The following OR51E2 variants were observed in gnomAD, a reference collection of about 807,000 sequenced individuals.
The protein encoded by OR51E2 is olfactory receptor family 51 subfamily E member 2, also known as olfactory receptor 51E2.
OR51E2 carries 14 observed loss-of-function variants against 13.7 expected under a neutral mutation model. That is an observed-to-expected ratio of 1.02 (90% CI 0.68 to 1.60). The LOEUF (loss-of-function observed/expected upper bound fraction) is 1.60. OR51E2 is among the 40% of genes most tolerant of loss of function. The pLI is 0.00. For synonymous variants in OR51E2, 180 were observed against 157.6 expected, an observed-to-expected ratio of 1.14 and a Z score of -1.07; for missense variants, 483 against 413.8, an observed-to-expected ratio of 1.17 and a Z score of -1.45.
chr11:4,684,117 G>C (rs1736890347), intron 1 of OR51E2, among the ~76,000 whole-genome samples: 1 of 152,184 alleles, frequency 6.6e-6, no homozygotes, highest in South Asian at 2.1e-4. Flanking sequence ...ATTTGAACTG[G>C]ATTCTCCCCA....
At chr11:4,694,301 A>G (rs1934079606) in intron 1 of OR51E2, among the ~76,000 whole-genome samples, 1 of 152,006 alleles carries the variant, frequency 6.6e-6, no homozygotes, top group Admixed American at 6.6e-5. Context: ...CTAGCAAAAA[A>G]AAAATGACTT....
In OR51E2 at chr11:4,694,565, CAT is replaced by C. The variant is rs535692653; in HGVS notation, c.-51+3086_-51+3087del. Reference sequence around the variant, plus strand: ...GTATATATATATACACACACACATACATATATATATACACACACACACACACA... The same window carrying C: ...GTATATATATATACACACACACATACATATATATACACACACACACACACA... On this transcript the variant is annotated intron_variant, in intron 1 of 1. Transcript: ENST00000396950. 1.4e-3 allele frequency among the ~76,000 whole-genome samples: 197 copies of C among 137,222 alleles called. 1 individual carries two copies. Among genetic ancestry groups the C allele is most frequent in the Admixed American group, 1.6e-3 (22 of 13,372 alleles). 90.0% of individuals were successfully genotyped at this position (137,222 alleles called of 152,430 possible). A position where few individuals can be genotyped will look rare whatever the true frequency, so the allele number is the denominator to read the frequency against.
intron 1 of OR51E2, among the ~76,000 whole-genome samples, chr11:4,692,685 G>A (rs1162684152): frequency 2.6e-5 from 4 of 152,122 alleles, no homozygotes; most frequent in South Asian, 2.1e-4. Flanking sequence ...CAATCAATGA[G>A]AGAGAGCCAG....
intron 1 of OR51E2, chr11:4,690,611 C>G (rs937291888): frequency 1.7e-5 from 5 of 293,190 alleles, no homozygotes; most frequent in Non-Finnish European, 3.3e-5. Flanking sequence ...AGCTGATGTT[C>G]TAGATACATT....
intron 1 of OR51E2, chr11:4,691,467 G>A (rs1339211985): frequency 2.2e-6 from 1 of 456,660 alleles, no homozygotes; most frequent in East Asian, 6.9e-5. Context: ...GGTGACCAGA[G>A]TGGATATGGA....
At chr11:4,693,204 C>T (rs1363691680) in intron 1 of OR51E2, among the ~76,000 whole-genome samples, 1 of 152,242 alleles carries the variant, frequency 6.6e-6, no homozygotes, top group African/African-American at 2.4e-5. Context: ...AACAACATCA[C>T]ATTTTACCCC....
At chr11:4,693,506 G>T (rs1451237811) in intron 1 of OR51E2, among the ~76,000 whole-genome samples, 1 of 152,180 alleles carries the variant, frequency 6.6e-6, no homozygotes, top group East Asian at 1.9e-4. Context: ...CGGATCACGA[G>T]GTCAGGAGAT....
rs1217457256 is a variant in OR51E2, at chr11:4,681,980, A to G, written c.732T>C (p.Ile244=). The change falls in exon 2 of 2, where the codon ATT becomes ATC. Residue 244 remains isoleucine, a synonymous_variant. Coordinates refer to ENST00000396950, the MANE Select transcript of OR51E2 (RefSeq NM_030774.4). ...GCACATAGAAGGCGAGTACCACACC[A>G]ATGTGTGACACACAGGTTCCAAAGG... ...AKAFGTCVSH[I]GVVLAFYVPL... 3.7e-6 allele frequency: 6 copies of G among 1,614,222 alleles called. No individual in the cohort carries two copies. The East Asian group carries it at 1.1e-4, about 30-fold the overall frequency.
In OR51E2 at chr11:4,682,149, T is replaced by A. The variant is rs373489954; in HGVS notation, c.563A>T (p.Tyr188Phe). 6.2e-7 allele frequency: 1 copy of A among 1,614,212 alleles called. No homozygotes were observed. The highest frequency in any genetic ancestry group is 8.5e-7 in the Non-Finnish European group (1 of 1,180,030). ...CVHQDVMKLA[Y>F]ADTLPNVVYG... ...TACCACATTGGGCAAAGTGTCTGCA[T>A]AGGCCAACTTCATTACATCCTGGTG... The change falls in exon 2 of 2, where the codon TAT (tyrosine) becomes TTT (phenylalanine). Residue 188 changes from tyrosine to phenylalanine, a missense_variant. Coordinates refer to ENST00000396950, the MANE Select transcript of OR51E2 (RefSeq NM_030774.4).
chr11:4,682,911 T>G lies in OR51E2; in HGVS notation c.-50-150A>C, dbSNP rs530898429. The G allele has an allele frequency of 6.2e-5, 36 of 582,770 alleles. No individual in the cohort carries two copies. In the South Asian group the frequency reaches 8.6e-4, roughly 14 times the overall value. The allele number at this position is 582,770 out of a possible 1,614,324, so 36.1% of individuals were successfully genotyped here. A position where few individuals can be genotyped will look rare whatever the true frequency, so the allele number is the denominator to read the frequency against. On this transcript the variant is annotated intron_variant, in intron 1 of 1. Transcript: ENST00000396950. Reference sequence around the variant, plus strand: ...GGGACTGTGACAGATCAAATTCATTTATGCATCACTACTCTCAAGGTTTAT... The same window carrying G: ...GGGACTGTGACAGATCAAATTCATTGATGCATCACTACTCTCAAGGTTTAT...
chr11:4,693,871 C>A (rs1339721989), intron 1 of OR51E2, among the ~76,000 whole-genome samples: 1 of 152,132 alleles, frequency 6.6e-6, no homozygotes, highest in Non-Finnish European at 1.5e-5. Context: ...ACAAATAAAA[C>A]CCCACTTAGA....
At chr11:4,685,782 A>G (rs950756895) in intron 1 of OR51E2, 29 of 152,172 alleles carry the variant, frequency 1.9e-4, no homozygotes, top group African/African-American at 6.5e-4. Context: ...ACTCACCCCA[A>G]CTACCTTCTC....
At chr11:4,684,608 G>C (rs952327937) in intron 1 of OR51E2, among the ~76,000 whole-genome samples, 2 of 152,136 alleles carry the variant, frequency 1.3e-5, no homozygotes, top group African/African-American at 4.8e-5. Flanking sequence ...ACCACATGCA[G>C]TGCTGACAGA....
chr11:4,682,258 A>C lies in OR51E2; in HGVS notation c.454T>G (p.Ser152Ala). 6.2e-7 allele frequency: 1 copy of C among 1,614,060 alleles called. No individual in the cohort carries two copies. Among genetic ancestry groups the C allele is most frequent in the Middle Eastern group, 1.6e-4 (1 of 6,062 alleles). Residue 152 changes from serine to alanine, a missense_variant, in exon 2 of 2, where the codon TCC (serine) becomes GCC (alanine). By Grantham distance (99) the Ser-to-Ala change is moderately conservative. Coordinates refer to ENST00000396950, the MANE Select transcript of OR51E2 (RefSeq NM_030774.4). Reference sequence around the variant, plus strand: ...AGAGGCAGTGGGAAAAAAAAGAGGGATCCGCGGACCACAGCCACGATGCCA... The same window carrying C: ...AGAGGCAGTGGGAAAAAAAAGAGGGCTCCGCGGACCACAGCCACGATGCCA... ...QIGIVAVVRG[S>A]LFFFPLPLLI...
chr11:4,691,156 G>A (rs1473410225), intron 1 of OR51E2: 3 of 456,578 alleles, frequency 6.6e-6, no homozygotes, highest in Non-Finnish European at 1.3e-5. Context: ...ACATCAGGGT[G>A]GTAGCAGTAG....
Position 4,682,370 on chromosome 11 carries a change from C to G in OR51E2, c.342G>C (p.Leu114=). The change falls in exon 2 of 2, where the codon CTG becomes CTC. Residue 114 remains leucine, a synonymous_variant. Coordinates refer to ENST00000396950, the MANE Select transcript of OR51E2 (RefSeq NM_030774.4). ...CATAACGGTCAAAGGCCATGGCCAG[C>G]AGGATGGTGGATTCAATGGCTGAGA... ...HALSAIESTI[L]LAMAFDRYVA... 1 of 1,614,144 alleles carries G rather than the reference C, an allele frequency of 6.2e-7. No individual in the cohort carries two copies. The highest frequency in any genetic ancestry group is 8.5e-7 in the Non-Finnish European group (1 of 1,180,030).
chr11:4,691,556 G>T (rs111398163), intron 1 of OR51E2: 1 of 456,984 alleles, frequency 2.2e-6, no homozygotes, highest in African/African-American at 2.0e-5. Flanking sequence ...TGATGGTAGC[G>T]AAGAGGATCA....
At chr11:4,694,409 A>T (rs994478531) in intron 1 of OR51E2, among the ~76,000 whole-genome samples, 2 of 151,780 alleles carry the variant, frequency 1.3e-5, no homozygotes, top group Non-Finnish European at 2.9e-5. Context: ...TTTCCTAGCC[A>T]ATAACTCCAC....
chr11:4,682,422 A>C lies in OR51E2; in HGVS notation c.290T>G (p.Leu97Arg), dbSNP rs1035770765. The C allele has an allele frequency of 6.2e-7, 1 of 1,614,232 alleles. No individual in the cohort carries two copies. The highest frequency in any genetic ancestry group is 8.5e-7 in the Non-Finnish European group (1 of 1,180,038). ...DSREISFEAC[L>R]TQMFFIHALS... ...GGCATGAATAAAGAACATCTGGGTA[A>C]GACAGGCCTCAAAGCTAATCTCTCG... Residue 97 changes from leucine to arginine, a missense_variant, in exon 2 of 2, where the codon CTT becomes CGT. Coordinates refer to ENST00000396950, the MANE Select transcript of OR51E2 (RefSeq NM_030774.4).
Sources: allele counts gnomAD v4.1 joint callset (sites outside exome capture counted in the v4.1 genomes callset), GRCh38; gene constraint gnomAD v4.1.1; transcripts MANE v1.5; gene names NCBI Gene and HGNC (gene_info 2026-07-23, HGNC 2026-07-21).